Variants in SCAMP1 observed in about 807,000 individuals in gnomAD.
SCAMP1 encodes secretory carrier membrane protein 1, also known as secretory carrier-associated membrane protein 1.
Under a neutral mutation model 41.8 loss-of-function variants are expected in SCAMP1, and 15 were observed. The observed-to-expected ratio is 0.36, with a 90% CI of 0.24 to 0.55. SCAMP1 has a LOEUF of 0.55. Ranked by LOEUF, SCAMP1 falls within the 20% of genes least tolerant of loss-of-function variation. The probability of loss-of-function intolerance (pLI) is 0.86; values close to 1 mark genes in which losing one functional copy is unlikely to be tolerated. For missense variants in SCAMP1, 341 were observed against 412.6 expected (o/e 0.83, Z 1.50); for synonymous variants, 135 against 136.8 (o/e 0.99, Z 0.09).
chr5:78,409,966 C>T (rs1752029653), intron 2 of SCAMP1, among the ~76,000 whole-genome samples: 2 of 152,044 alleles, frequency 1.3e-5, no homozygotes, highest in Non-Finnish European at 2.9e-5. Context: ...GCTTATTACA[C>T]CAAGAAGACA....
intron 8 of SCAMP1, among the ~76,000 whole-genome samples, chr5:78,467,552 G>A (rs765591723): frequency 1.3e-5 from 2 of 152,128 alleles, no homozygotes; most frequent in African/African-American, 4.8e-5. Flanking sequence ...GTATTGATAT[G>A]GATATCATGC....
intron 2 of SCAMP1, among the ~76,000 whole-genome samples, chr5:78,412,737 C>T (rs1020646165): frequency 5.3e-5 from 8 of 151,924 alleles, no homozygotes; most frequent in Non-Finnish European, 8.8e-5. Flanking sequence ...GCTAGTTTTT[C>T]GATTAGTTTG....
intron 1 of SCAMP1, among the ~76,000 whole-genome samples, chr5:78,374,705 CAG>C (rs1751022359): frequency 6.6e-6 from 1 of 152,036 alleles, no homozygotes; most frequent in African/African-American, 2.4e-5. Flanking sequence ...GATAATCAAA[CAG>C]ATGCCTACTT....
intron 7 of SCAMP1, among the ~76,000 whole-genome samples, chr5:78,451,176 GTC>G (rs1243691164): frequency 2.0e-5 from 3 of 152,150 alleles, no homozygotes; most frequent in African/African-American, 2.4e-5. Context: ...CGTAAAAAGA[GTC>G]TGCTAATGAG....
chr5:78,477,806 C>T lies in SCAMP1; in HGVS notation c.*2138C>T, dbSNP rs1754039778. 1 of 151,942 alleles carries T rather than the reference C, an allele frequency of 6.6e-6. No individual in the cohort carries two copies. The highest frequency in any genetic ancestry group is 1.5e-5 in the Non-Finnish European group (1 of 67,940). 9.4% of individuals were successfully genotyped at this position (151,942 alleles called of 1,614,324 possible). A position where few individuals can be genotyped will look rare whatever the true frequency, so the allele number is the denominator to read the frequency against. ...AAATATATGTGCATTGAAATGATGG[C>T]AATGCTTATAGTATGATCAAGTATG... On this transcript the variant is annotated 3_prime_UTR_variant, in exon 9 of 9. Coordinates refer to ENST00000621999, the MANE Select transcript of SCAMP1 (RefSeq NM_004866.6).
rs75084227 is a variant in SCAMP1 at position 78,376,494 on chromosome 5, G to A, written c.58-12343G>A. 4.0e-3 allele frequency among the ~76,000 whole-genome samples: 603 copies of A among 152,140 alleles called. 6 individuals are homozygous for A. Among genetic ancestry groups the A allele is most frequent in the African/African-American group, 0.013 (532 of 41,486 alleles). On this transcript the variant is annotated intron_variant, in intron 1 of 8. Transcript: ENST00000621999. ...TAAACGAATGTCATTTATTATTGCC[G>A]GTCTAAAGTTTGTCTCCAGTTCTTA...
chr5:78,441,274 C>G (rs190847138), intron 6 of SCAMP1, among the ~76,000 whole-genome samples: 1 of 152,314 alleles, frequency 6.6e-6, no homozygotes, highest in Non-Finnish European at 1.5e-5. Flanking sequence ...AATCATCTGT[C>G]TTTTGTGTCG....
intron 7 of SCAMP1, among the ~76,000 whole-genome samples, chr5:78,454,722 C>G (rs1239980743): frequency 1.3e-5 from 2 of 152,162 alleles, no homozygotes; most frequent in African/African-American, 2.4e-5. Flanking sequence ...AGGATTCCCT[C>G]TTTTTCTATT....
Position 78,456,906 on chromosome 5 carries a change from ACTTCC to A in SCAMP1, c.735-2334_735-2330del, listed in dbSNP as rs1489695271. Among the ~76,000 whole-genome samples the A allele has an allele frequency of 3.2e-5, 4 of 123,266 alleles. No homozygotes were observed. The South Asian group carries it at 9.5e-4, about 29-fold the overall frequency. The allele number at this position is 123,266 out of a possible 152,430, so 80.9% of individuals were successfully genotyped here. On this transcript the variant is annotated intron_variant, in intron 7 of 8. Coordinates refer to ENST00000621999, the MANE Select transcript of SCAMP1 (RefSeq NM_004866.6). The stretch of plus-strand genomic sequence containing the variant: ...TTTCTTTTTATTCTTTTTTCTCTAA[ACTTCC>A]CTTCTTGCTTCATTTCATTCATTTC...
intron 7 of SCAMP1, 118 bp downstream of exon 7, chr5:78,450,152 AT>A: frequency 1.6e-6 from 1 of 609,878 alleles, no homozygotes; most frequent in East Asian, 3.2e-5. Flanking sequence ...AAAAGCAAAA[AT>A]TGTTTTAAAA....
intron 1 of SCAMP1, among the ~76,000 whole-genome samples, chr5:78,383,946 T>C (rs1751274709): frequency 6.6e-6 from 1 of 152,164 alleles, no homozygotes; most frequent in Admixed American, 6.5e-5. Context: ...AATTTCAGGA[T>C]TGTTTTTCTA....
At position 78,451,284 on chromosome 5, in the gene SCAMP1, T is replaced by C. The variant is rs559696250; in HGVS notation, c.734+1250T>C. Reference sequence around the variant, plus strand: ...ACTTTTAGGTAATCATAGATTCACATACAATCATAATAAATAACACAGAAA... The same window carrying C: ...ACTTTTAGGTAATCATAGATTCACACACAATCATAATAAATAACACAGAAA... On this transcript the variant is annotated intron_variant, in intron 7 of 8. Transcript: ENST00000621999. Among the ~76,000 whole-genome samples the C allele has an allele frequency of 9.2e-5, 14 of 152,356 alleles. No individual in the cohort carries two copies. In the South Asian group the frequency reaches 2.9e-3, roughly 32 times the overall value.
intron 7 of SCAMP1, among the ~76,000 whole-genome samples, chr5:78,453,881 C>G (rs1753310666): frequency 5.9e-5 from 9 of 151,806 alleles, no homozygotes; most frequent in Admixed American, 5.9e-4. Flanking sequence ...GTTTGTAGTT[C>G]TCCTTGAAGA....
rs927732073 is a variant in SCAMP1, at chr5:78,478,724, G to T, written c.*3056G>T. ...TGTACTGATGAAAGTACCTATTTGT[G>T]TATATTGGATTTTTCACTTGGTTAG... On this transcript the variant is annotated 3_prime_UTR_variant, in exon 9 of 9. Coordinates refer to ENST00000621999, the MANE Select transcript of SCAMP1 (RefSeq NM_004866.6). 6.6e-6 allele frequency: 1 copy of T among 152,030 alleles called. No individual in the cohort carries two copies. The highest frequency in any genetic ancestry group is 1.5e-5 in the Non-Finnish European group (1 of 67,938). The allele number at this position is 152,030 out of a possible 1,614,324, so 9.4% of individuals were successfully genotyped here.
At chr5:78,390,935 C>CA (rs1249016428) in intron 2 of SCAMP1, among the ~76,000 whole-genome samples, 3 of 149,888 alleles carry the variant, frequency 2.0e-5, no homozygotes, top group Non-Finnish European at 4.5e-5. Flanking sequence ...CCTGAGTGGA[C>CA]ACAGCACATG....
intron 2 of SCAMP1, among the ~76,000 whole-genome samples, chr5:78,392,783 A>G (rs1310313380): frequency 2.0e-5 from 3 of 152,250 alleles, no homozygotes; most frequent in Non-Finnish European, 2.9e-5. Flanking sequence ...TGTTTATTAT[A>G]TAATGTGATT....
intron 2 of SCAMP1, among the ~76,000 whole-genome samples, chr5:78,411,525 C>T (rs114633663): frequency 1.4e-3 from 219 of 152,222 alleles, no homozygotes; most frequent in African/African-American, 5.0e-3. Context: ...ATAGGAAGTT[C>T]GTGTCATGTT....
At chr5:78,402,339 G>A (rs904256575) in intron 2 of SCAMP1, among the ~76,000 whole-genome samples, 1 of 151,812 alleles carries the variant, frequency 6.6e-6, no homozygotes, top group Admixed American at 6.6e-5. Context: ...TCCAATCAAC[G>A]GATGGTATTG....
intron 2 of SCAMP1, among the ~76,000 whole-genome samples, chr5:78,400,856 G>A (rs979051924): frequency 6.6e-6 from 1 of 152,002 alleles, no homozygotes; most frequent in African/African-American, 2.4e-5. Flanking sequence ...TATTACATTA[G>A]TTAGGACTTC....
Sources: gnomAD v4.1 joint callset for allele counts (sites outside exome capture counted in the v4.1 genomes callset) on GRCh38, gnomAD v4.1.1 for gene constraint, MANE v1.5 for transcripts, NCBI Gene and HGNC (gene_info 2026-07-23, HGNC 2026-07-21) for gene names.